The following NNT variants were observed in gnomAD, a reference collection of about 807,000 sequenced individuals.
NNT encodes the protein nicotinamide nucleotide transhydrogenase.
In NNT, 50 loss-of-function variants were observed where a neutral mutation model predicts 104.8. That is an observed-to-expected ratio of 0.48 (90% CI 0.38 to 0.60). NNT has a LOEUF of 0.60. Among genes scored for constraint, NNT ranks in the 20% least tolerant of loss-of-function variants. NNT has a pLI of 0.00. For synonymous variants in NNT, 461 were observed against 490.4 expected, an observed-to-expected ratio of 0.94 and a Z score of 0.79; for missense variants, 1,131 against 1,330.7, an observed-to-expected ratio of 0.85 and a Z score of 2.33.
At chr5:43,655,356 CT>C (rs1739986330) in intron 14 of NNT, among the ~76,000 whole-genome samples, 1 of 152,138 alleles carries the variant, frequency 6.6e-6, no homozygotes, top group Non-Finnish European at 1.5e-5. Context: ...AGTTGAGCAT[CT>C]TTAATCCGAA....
intron 13 of NNT, 47 bp from the exon 14 acceptor site, chr5:43,652,971 T>C: frequency 1.3e-6 from 2 of 1,483,262 alleles, no homozygotes; most frequent in Non-Finnish European, 1.8e-6. Flanking sequence ...TCTAAGCTAA[T>C]AGACCAAAGG....
At position 43,609,123 on chromosome 5, in the gene NNT, C is replaced by T. The variant is rs955087811; in HGVS notation, c.-53-20C>T. The T allele has an allele frequency of 7.4e-6, 9 of 1,209,854 alleles. No homozygotes were observed. The highest frequency in any genetic ancestry group is 2.0e-4 in the Middle Eastern group (1 of 5,052). The allele number at this position is 1,209,854 out of a possible 1,614,324, so 74.9% of individuals were successfully genotyped here. ...AGTTTTTTTCTTGGCATATATACAT[C>T]CTATTTTCTTTTTTCTTAGTGATTT... On this transcript the variant is annotated intron_variant, in intron 1 of 21. Transcript: ENST00000344920.
At chr5:43,679,596 G>T (rs1202295272) in intron 19 of NNT, among the ~76,000 whole-genome samples, 1 of 152,122 alleles carries the variant, frequency 6.6e-6, no homozygotes, top group Admixed American at 6.5e-5. Flanking sequence ...AAAGGAAAAA[G>T]GATAAGACAA....
In NNT at chr5:43,706,626, T is replaced by A. The variant is rs1309941805; in HGVS notation, c.*2222T>A. On this transcript the variant is annotated 3_prime_UTR_variant, in exon 22 of 22. Coordinates refer to ENST00000344920, the MANE Select transcript of NNT (RefSeq NM_182977.3). ...TATATAAATCCCATTACTGGGTATA[T>A]ACCCAAAGGATTATAAATCATGCTG... The A allele has an allele frequency of 2.0e-5, 3 of 152,224 alleles. No homozygotes were observed. The highest frequency in any genetic ancestry group is 7.2e-5 in the African/African-American group (3 of 41,462). The allele number at this position is 152,224 out of a possible 1,614,324, so 9.4% of individuals were successfully genotyped here.
intron 19 of NNT, among the ~76,000 whole-genome samples, chr5:43,685,895 G>A (rs969869598): frequency 1.1e-4 from 17 of 152,096 alleles, no homozygotes; most frequent in African/African-American, 3.1e-4. Flanking sequence ...GTGAAGTTGT[G>A]AAAAACTCTA....
chr5:43,688,518 G>C (rs1742098226), intron 19 of NNT, among the ~76,000 whole-genome samples: 1 of 152,092 alleles, frequency 6.6e-6, no homozygotes, highest in Non-Finnish European at 1.5e-5. Flanking sequence ...ATCACCCAAG[G>C]AGTGTACACT....
intron 17 of NNT, 70 bp from the exon 18 acceptor site, chr5:43,675,441 C>T (rs1741359739): frequency 7.7e-7 from 1 of 1,302,128 alleles, no homozygotes; most frequent in Non-Finnish European, 1.0e-6. Flanking sequence ...ATATCATATA[C>T]ACAACATTTG....
At chr5:43,619,483 A>G (rs1378418153) in intron 5 of NNT, among the ~76,000 whole-genome samples, 1 of 152,200 alleles carries the variant, frequency 6.6e-6, no homozygotes, top group Non-Finnish European at 1.5e-5. Context: ...TGGCACATAT[A>G]CAAGGTATTT....
chr5:43,642,968 C>T (rs935533127), intron 7 of NNT, among the ~76,000 whole-genome samples: 4 of 152,230 alleles, frequency 2.6e-5, no homozygotes, highest in South Asian at 2.1e-4. Context: ...TCTGTTGTCC[C>T]GGCTGGAGTG....
intron 5 of NNT, among the ~76,000 whole-genome samples, chr5:43,622,422 A>T (rs551553526): frequency 9.2e-5 from 14 of 152,232 alleles, no homozygotes; most frequent in African/African-American, 2.6e-4. Flanking sequence ...TTCTTTTTTT[A>T]AAAAAGTTTT....
intron 1 of NNT, among the ~76,000 whole-genome samples, chr5:43,606,664 C>G (rs1162850486): frequency 6.6e-6 from 1 of 152,190 alleles, no homozygotes; most frequent in Non-Finnish European, 1.5e-5. Flanking sequence ...TCTCAAACGG[C>G]TTTCCCTTCC....
chr5:43,672,580 G>T (rs1003800618), intron 17 of NNT, among the ~76,000 whole-genome samples: 17 of 152,372 alleles, frequency 1.1e-4, no homozygotes, highest in African/African-American at 4.1e-4. Context: ...GGTATCAGCA[G>T]TGGAGGCTGC....
At chr5:43,604,563 A>G (rs182582898) in intron 1 of NNT, among the ~76,000 whole-genome samples, 26 of 152,302 alleles carry the variant, frequency 1.7e-4, no homozygotes, top group South Asian at 4.1e-4. Flanking sequence ...TCATTCAGTC[A>G]AAAATACTGA....
Position 43,704,768 on chromosome 5 carries a change from A to G in NNT, c.*364A>G, listed in dbSNP as rs1743032960. ...TAAGTGTTTAGGATTTCAAGACAAC[A>G]TTATACATGGCTCTGAAATATCTGA... On this transcript the variant is annotated 3_prime_UTR_variant, in exon 22 of 22. Transcript: ENST00000344920. 5.2e-6 allele frequency: 1 copy of G among 191,538 alleles called. No individual in the cohort carries two copies. 11.9% of individuals were successfully genotyped at this position (191,538 alleles called of 1,614,324 possible). A position where few individuals can be genotyped will look rare whatever the true frequency, so the allele number is the denominator to read the frequency against.
At chr5:43,666,953 C>T (rs1045119896) in intron 17 of NNT, 25 of 1,589,298 alleles carry the variant, frequency 1.6e-5, no homozygotes, top group African/African-American at 2.7e-5. Context: ...GCAAGTGGAT[C>T]GAGCTTGCGG....
intron 1 of NNT, among the ~76,000 whole-genome samples, chr5:43,607,809 C>T (rs986245657): frequency 9.2e-5 from 14 of 152,162 alleles, no homozygotes; most frequent in South Asian, 2.1e-4. Context: ...AGAACATTTA[C>T]GGAGCCTGCT....
At chr5:43,665,703 C>A (rs1354969407) in intron 17 of NNT, among the ~76,000 whole-genome samples, 2 of 140,116 alleles carry the variant, frequency 1.4e-5, no homozygotes, top group East Asian at 3.9e-4. Context: ...TTCGACAAAA[C>A]CGCCATCGTC....
At chr5:43,651,982 T>C in intron 13 of NNT, 98 bp downstream of exon 13, 1 of 1,287,532 alleles carries the variant, frequency 7.8e-7, no homozygotes. Context: ...ATCGAGCAAA[T>C]ACAACTCTGT....
intron 4 of NNT, among the ~76,000 whole-genome samples, chr5:43,618,139 T>C (rs994863114): frequency 2.6e-5 from 4 of 152,246 alleles, no homozygotes; most frequent in African/African-American, 9.6e-5. Context: ...TGCATATTAT[T>C]TGATTTATTA....
Sources: allele counts gnomAD v4.1 joint callset (sites outside exome capture counted in the v4.1 genomes callset), GRCh38; gene constraint gnomAD v4.1.1; transcripts MANE v1.5; gene names NCBI Gene and HGNC (gene_info 2026-07-23, HGNC 2026-07-21).